The following TSPAN14 variants were observed in gnomAD, a reference collection of about 807,000 sequenced individuals.
TSPAN14 encodes the protein tetraspanin 14, also known as tetraspanin-14.
In TSPAN14, 16 loss-of-function variants were observed where a neutral mutation model predicts 36.6. That is an observed-to-expected ratio of 0.44 (90% CI 0.30 to 0.66). The LOEUF is 0.66. Among genes scored for constraint, TSPAN14 ranks in the 30% least tolerant of loss-of-function variants. The probability of loss-of-function intolerance (pLI) is 0.12; values close to 1 mark genes in which losing one functional copy is unlikely to be tolerated. For synonymous variants in TSPAN14, 139 were observed against 143.8 expected (o/e 0.97, Z 0.24); for missense variants, 231 against 355.1 (o/e 0.65, Z 2.81).
intron 2 of TSPAN14, among the ~76,000 whole-genome samples, chr10:80,498,058 G>A (rs1435430716): frequency 6.6e-6 from 1 of 152,202 alleles, no homozygotes; most frequent in Non-Finnish European, 1.5e-5. Flanking sequence ...TTCAACACAG[G>A]ACAGATAACT....
intron 1 of TSPAN14, among the ~76,000 whole-genome samples, chr10:80,486,834 A>AT (rs899756469): frequency 1.3e-5 from 2 of 152,166 alleles, no homozygotes; most frequent in East Asian, 1.9e-4. Context: ...TAGGTTAAAA[A>AT]TTTTTTTTCA....
At chr10:80,463,362 G>A (rs1304770120) in intron 1 of TSPAN14, among the ~76,000 whole-genome samples, 2 of 152,058 alleles carry the variant, frequency 1.3e-5, no homozygotes, top group African/African-American at 2.4e-5. Context: ...AAAGATACAC[G>A]GTGAAAACTC....
chr10:80,460,550 A>G (rs1190303977), intron 1 of TSPAN14, among the ~76,000 whole-genome samples: 3 of 152,178 alleles, frequency 2.0e-5, no homozygotes, highest in Non-Finnish European at 4.4e-5. Context: ...CCTGTCCCTC[A>G]GGAGACAGGT....
In TSPAN14 at chr10:80,472,292, G is replaced by T. The variant is rs74732504; in HGVS notation, c.-17-16925G>T. ...CTCCCTTAATTTAAGTTTGTTTGTT[G>T]TTTCCTCATGGTTAGCTGCAAGTTT... is the stretch of plus-strand genomic sequence containing the variant. On this transcript the variant is annotated intron_variant, in intron 1 of 8. Coordinates refer to ENST00000429989, the Ensembl canonical transcript of TSPAN14. 9.9e-3 allele frequency among the ~76,000 whole-genome samples: 1,514 copies of T among 152,170 alleles called. 22 individuals carry two copies. The highest frequency in any genetic ancestry group is 0.035 in the African/African-American group (1,456 of 41,508).
At chr10:80,473,646 C>A (rs953951654) in intron 1 of TSPAN14, among the ~76,000 whole-genome samples, 5 of 149,900 alleles carry the variant, frequency 3.3e-5, no homozygotes, top group African/African-American at 1.2e-4. Context: ...AAGAGTCAAA[C>A]TTCTTCACTC....
At chr10:80,516,056 A>C (rs1160521731) in intron 7 of TSPAN14, 148 bp from the exon 8 acceptor site, 3 of 1,185,624 alleles carry the variant, frequency 2.5e-6, no homozygotes, top group Non-Finnish European at 3.6e-6. Context: ...GGAGCTGACG[A>C]GCATCTCCTG....
At chr10:80,501,224 G>A (rs926649515) in intron 2 of TSPAN14, among the ~76,000 whole-genome samples, 19 of 150,414 alleles carry the variant, frequency 1.3e-4, no homozygotes, top group African/African-American at 4.2e-4. Context: ...CTCCCACCTC[G>A]GCCTCCCTGG....
rs542134777 is a variant in TSPAN14, at chr10:80,491,280, A to G, written c.81+1966A>G. 5.9e-5 allele frequency among the ~76,000 whole-genome samples: 9 copies of G among 152,306 alleles called. No individual in the cohort carries two copies. The East Asian group carries it at 1.7e-3, about 29-fold the overall frequency. ...TGGGTCCCTCTTAATGCGGGAGTCC[A>G]TGCTCCATCCTCATGATGTATGGCT... On this transcript the variant is annotated intron_variant, in intron 2 of 8. Coordinates refer to ENST00000429989, the Ensembl canonical transcript of TSPAN14.
chr10:80,521,863 G>A (rs1289265838), exon 9 of TSPAN14: 2 of 148,618 alleles, frequency 1.3e-5, no homozygotes, highest in Non-Finnish European at 3.0e-5. Context: ...GGCGGAGCTT[G>A]CAGTGAGCCG....
At position 80,520,750 on chromosome 10, in the gene TSPAN14, G is replaced by A. The variant is rs144874937; in HGVS notation, c.*2774G>A. 17 of 533,166 alleles carry A rather than the reference G, an allele frequency of 3.2e-5. No homozygotes were observed. In the Admixed American group the frequency reaches 3.3e-4, roughly 10 times the overall value. The allele number at this position is 533,166 out of a possible 1,614,324, so 33.0% of individuals were successfully genotyped here. The stretch of plus-strand genomic sequence containing the variant: ...CTGGGCTGTCTGTACCCCTTCCTTT[G>A]CACCACCCACCATGCCCCACGTAGC... On this transcript the variant is annotated 3_prime_UTR_variant, in exon 9 of 9. Transcript: ENST00000429989.
At chr10:80,479,096 A>G (rs937805613) in intron 1 of TSPAN14, among the ~76,000 whole-genome samples, 1 of 152,192 alleles carries the variant, frequency 6.6e-6, no homozygotes, top group African/African-American at 2.4e-5. Flanking sequence ...TCTTCTTTTG[A>G]GAAGTGTCTG....
chr10:80,484,823 G>A (rs1344710721), intron 1 of TSPAN14, among the ~76,000 whole-genome samples: 6 of 152,096 alleles, frequency 3.9e-5, no homozygotes, highest in African/African-American at 1.2e-4. Flanking sequence ...GTTGAAGGTG[G>A]GTAAAATGGA....
At chr10:80,480,631 G>A (rs976392057) in intron 1 of TSPAN14, among the ~76,000 whole-genome samples, 12 of 152,104 alleles carry the variant, frequency 7.9e-5, no homozygotes, top group African/African-American at 1.9e-4. Flanking sequence ...TCCTTTGTAG[G>A]GACATGGATG....
intron 1 of TSPAN14, among the ~76,000 whole-genome samples, chr10:80,479,518 C>T (rs1847124854): frequency 6.6e-6 from 1 of 152,136 alleles, no homozygotes; most frequent in Non-Finnish European, 1.5e-5. Flanking sequence ...TATGGCTAGC[C>T]AGTTTTCCCA....
In TSPAN14 at chr10:80,507,162, C is replaced by T. The variant is rs1247476225; in HGVS notation, c.133-66C>T. 4 of 1,597,912 alleles carry T rather than the reference C, an allele frequency of 2.5e-6. No individual in the cohort carries two copies. The Admixed American group carries it at 6.8e-5, about 27-fold the overall frequency. Reference sequence around the variant, plus strand: ...CCCTGTTTTCAGTACCACCTGCATCCCCCAGGGCAGCATCCTTGACTCCCC... The same window carrying T: ...CCCTGTTTTCAGTACCACCTGCATCTCCCAGGGCAGCATCCTTGACTCCCC... On this transcript the variant is annotated intron_variant, in intron 3 of 8. Transcript: ENST00000429989.
intron 2 of TSPAN14, among the ~76,000 whole-genome samples, chr10:80,500,314 CTTTTTTTTTTTTTTTTT>C (rs144759161): frequency 1.9e-4 from 9 of 47,892 alleles, no homozygotes; most frequent in East Asian, 7.3e-4. Flanking sequence ...AGGCCTTATT[CTTTTTTTTTTTTTTTTT>C]TTTTTTTTTT....
rs1157143492 is a variant in TSPAN14 at position 80,489,126 on chromosome 10, G to A, written c.-17-91G>A. On this transcript the variant is annotated intron_variant, in intron 1 of 8. Transcript: ENST00000429989. The stretch of plus-strand genomic sequence containing the variant: ...GTAAAGGGTCATGAGGGAAATGATC[G>A]GGAGCTTTCTAGAATCCGCATATGA... The A allele has an allele frequency of 1.6e-5, 13 of 809,152 alleles. No individual in the cohort carries two copies. The East Asian group carries it at 1.9e-4, about 12-fold the overall frequency. The allele number at this position is 809,152 out of a possible 1,614,324, so 50.1% of individuals were successfully genotyped here.
At chr10:80,496,083 T>G (rs568608504) in intron 2 of TSPAN14, among the ~76,000 whole-genome samples, 1 of 152,226 alleles carries the variant, frequency 6.6e-6, no homozygotes, top group African/African-American at 2.4e-5. Context: ...AATTTCTTAT[T>G]TTTTAATTGT....
intron 3 of TSPAN14, 173 bp from the exon 4 acceptor site, chr10:80,507,055 G>A (rs941905421): frequency 1.3e-6 from 1 of 749,594 alleles, no homozygotes; most frequent in African/African-American, 1.8e-5. Flanking sequence ...GGATCGCCTG[G>A]TCGGAGGGGC....
Sources: gnomAD v4.1 joint callset for allele counts (sites outside exome capture counted in the v4.1 genomes callset) on GRCh38, gnomAD v4.1.1 for gene constraint, MANE v1.5 for transcripts, NCBI Gene and HGNC (gene_info 2026-07-23, HGNC 2026-07-21) for gene names.